SPAG9: variants seen among roughly 807,000 people sequenced by gnomAD.
SPAG9 encodes C-Jun-amino-terminal kinase-interacting protein 4.
A neutral mutation model predicts 166.5 loss-of-function variants in SPAG9; 35 were observed. The ratio of observed to expected loss-of-function variants is 0.21; its 90% confidence interval spans 0.16 to 0.28. The LOEUF (loss-of-function observed/expected upper bound fraction) is 0.28. Ranked by LOEUF, SPAG9 falls within the 10% of genes least tolerant of loss-of-function variation. The pLI is 1.00. For synonymous variants in SPAG9, 534 were observed against 565.5 expected (o/e 0.94, Z 0.79); for missense variants, 1,235 against 1,603.3 (o/e 0.77, Z 3.92).
intron 16 of SPAG9, 32 bp from the exon 17 acceptor site, chr17:50,995,565 C>T (rs1439107587): frequency 7.5e-7 from 1 of 1,327,442 alleles, no homozygotes; most frequent in Non-Finnish European, 1.1e-6. Context: ...GTGAAAAAGG[C>T]ACATTAGTAA....
intron 15 of SPAG9, among the ~76,000 whole-genome samples, chr17:50,998,148 C>T (rs906717067): frequency 6.7e-6 from 1 of 150,350 alleles, no homozygotes; most frequent in Non-Finnish European, 1.5e-5. Flanking sequence ...TCTTCTGCCT[C>T]AGCCTCCCAA....
intron 4 of SPAG9, 118 bp downstream of exon 4, chr17:51,047,257 T>C: frequency 4.8e-6 from 3 of 619,700 alleles, no homozygotes; most frequent in East Asian, 2.9e-5. Flanking sequence ...CCAACCACAG[T>C]GGAGAGCTTT....
intron 28 of SPAG9, among the ~76,000 whole-genome samples, chr17:50,974,057 A>C (rs911219946): frequency 6.6e-6 from 1 of 152,182 alleles, no homozygotes; most frequent in African/African-American, 2.4e-5. Flanking sequence ...TCTAGCTCCT[A>C]AACTTGCCTC....
chr17:50,990,234 T>G, intron 20 of SPAG9: 1 of 548,726 alleles, frequency 1.8e-6, no homozygotes, highest in Non-Finnish European at 3.3e-6. Flanking sequence ...TTCACTGTGT[T>G]AGCCAGGATG....
At chr17:51,002,359 AG>A (rs2044992759) in intron 12 of SPAG9, among the ~76,000 whole-genome samples, 1 of 152,192 alleles carries the variant, frequency 6.6e-6, no homozygotes, top group Admixed American at 6.5e-5. Context: ...CAAAGATAAA[AG>A]GCAGCAATTT....
At chr17:51,007,432 G>T in intron 9 of SPAG9, 106 bp from the exon 10 acceptor site, 1 of 506,980 alleles carries the variant, frequency 2.0e-6, no homozygotes. Context: ...AATTTTATCT[G>T]TCCTTTATTA....
At position 51,002,531 on chromosome 17, in the gene SPAG9, G is replaced by A. The variant is rs568172270; in HGVS notation, c.1477-686C>T. Among the ~76,000 whole-genome samples the A allele has an allele frequency of 2.6e-5, 4 of 152,128 alleles. No individual in the cohort carries two copies. In the South Asian group the frequency reaches 8.3e-4, roughly 32 times the overall value. ...GACGCAGTGACTCACGCCTGTAGTCGCGGCACTTTGGGAGTCTGAGGCGGG... is the reference window on the plus strand; with the variant it reads ...GACGCAGTGACTCACGCCTGTAGTCACGGCACTTTGGGAGTCTGAGGCGGG... On this transcript the variant is annotated intron_variant, in intron 12 of 29. Transcript: ENST00000262013.
rs757461583 is a variant in SPAG9, at chr17:50,990,597, A to G, written c.2470T>C (p.Cys824Arg). 6 of 1,614,094 alleles carry G rather than the reference A, an allele frequency of 3.7e-6. No homozygotes were observed. In the East Asian group the frequency reaches 8.9e-5, roughly 24 times the overall value. Residue 824 changes from cysteine (C) to arginine (R), a missense_variant, in exon 20 of 30, where the codon TGT (cysteine) becomes CGT (arginine). By Grantham distance (180) the Cys-to-Arg change is radical. Around this residue, in one of 6 missense-constraint regions of SPAG9, gnomAD observed 493 missense variants for 559.4 expected, o/e 0.88. Transcript: ENST00000262013. ...ESGQVDKASL[C>R]GSMTSNSSAE... ...GAGCTGTTGCTTGTCATACTTCCACATAAAGATGCTTTGTCTACCTGACCA... is the reference window on the plus strand; with the variant it reads ...GAGCTGTTGCTTGTCATACTTCCACGTAAAGATGCTTTGTCTACCTGACCA...
intron 23 of SPAG9, 134 bp from the exon 24 acceptor site, chr17:50,985,124 G>T: frequency 1.5e-6 from 1 of 684,674 alleles, no homozygotes; most frequent in South Asian, 1.7e-5. Flanking sequence ...GAATATAAAT[G>T]AACACACCAC....
chr17:50,990,393 G>T, intron 20 of SPAG9, 57 bp downstream of exon 20: 2 of 1,211,850 alleles, frequency 1.7e-6, no homozygotes, highest in Non-Finnish European at 1.2e-6. Context: ...CCATAATGAG[G>T]CATCTGAGTG....
rs73986843 is a variant in SPAG9 at position 50,974,682 on chromosome 17, C to T, written c.3700+89G>A. 0.013 allele frequency: 15,311 copies of T among 1,164,630 alleles called. 836 individuals are homozygous for T. In the African/African-American group the frequency reaches 0.16, roughly 12 times the overall value. 72.1% of individuals were successfully genotyped at this position (1,164,630 alleles called of 1,614,324 possible). A position where few individuals can be genotyped will look rare whatever the true frequency, so the allele number is the denominator to read the frequency against. On this transcript the variant is annotated intron_variant, in intron 28 of 29. Transcript: ENST00000262013. ...ATTGAAATTACCTGCAATTCGAGTA[C>T]TTAGCCTTAGACTATTAGGTAGTGG...
At chr17:51,100,441 C>T (rs1017592728) in intron 1 of SPAG9, among the ~76,000 whole-genome samples, 2 of 152,012 alleles carry the variant, frequency 1.3e-5, no homozygotes, top group African/African-American at 2.4e-5. Flanking sequence ...CCTGTCTCTA[C>T]AAAAATTACA....
chr17:51,012,476 A>T (rs146052200), intron 9 of SPAG9, among the ~76,000 whole-genome samples: 31 of 151,934 alleles, frequency 2.0e-4, no homozygotes, highest in Middle Eastern at 6.8e-3. Flanking sequence ...AGGCTGAGGC[A>T]GGAGAATCAC....
At chr17:51,014,854 G>T (rs2045633800) in intron 8 of SPAG9, among the ~76,000 whole-genome samples, 1 of 145,376 alleles carries the variant, frequency 6.9e-6, no homozygotes. Flanking sequence ...TGATACAAAG[G>T]TTTTTTTTTT....
chr17:51,013,027 G>A (rs1008437764), intron 9 of SPAG9, among the ~76,000 whole-genome samples: 3 of 152,014 alleles, frequency 2.0e-5, no homozygotes, highest in Non-Finnish European at 2.9e-5. Context: ...CACTGCAACC[G>A]GCCTAGATAG....
chr17:51,098,536 A>G (rs1218567126), intron 1 of SPAG9, among the ~76,000 whole-genome samples: 1 of 151,902 alleles, frequency 6.6e-6, no homozygotes, highest in African/African-American at 2.4e-5. Flanking sequence ...CTTGTTGCCC[A>G]GGTTGGAGTG....
At chr17:51,054,389 C>G (rs2047299650) in intron 3 of SPAG9, among the ~76,000 whole-genome samples, 1 of 151,170 alleles carries the variant, frequency 6.6e-6, no homozygotes, top group Admixed American at 6.6e-5. Context: ...TCCCAAAGTG[C>G]TAGGATTACA....
chr17:51,120,750 T>A lies in SPAG9; in HGVS notation c.-94A>T. The A allele has an allele frequency of 8.7e-7, 1 of 1,153,296 alleles. No individual in the cohort carries two copies. The highest frequency in any genetic ancestry group is 1.2e-6 in the Non-Finnish European group (1 of 846,258). The allele number at this position is 1,153,296 out of a possible 1,614,324, so 71.4% of individuals were successfully genotyped here. On this transcript the variant is annotated 5_prime_UTR_variant, in exon 1 of 30. Coordinates refer to ENST00000262013, the MANE Select transcript of SPAG9 (RefSeq NM_001130528.3). This position sits in a 1 kb window ranked among gnomAD's most constrained non-coding sequence, Gnocchi z 4.7. ...CGGACCCGACTCGGGCTGGGACGGG[T>A]ACTAGGGCTGGAGCCCGGGCCGGGG...
intron 1 of SPAG9, 127 bp from the exon 2 acceptor site, chr17:51,079,831 G>T: frequency 3.4e-6 from 2 of 583,290 alleles, no homozygotes; most frequent in Non-Finnish European, 2.8e-6. Flanking sequence ...TTATGACCTT[G>T]GGTTGATTTT....
Sources: gnomAD v4.1 joint callset for allele counts (sites outside exome capture counted in the v4.1 genomes callset) on GRCh38, gnomAD v4.1.1 for gene constraint, gnomAD v4.1.1 regional missense constraint, Gnocchi (gnomAD v3.1) non-coding constraint, MANE v1.5 for transcripts, NCBI Gene and HGNC (gene_info 2026-07-23, HGNC 2026-07-21) for gene names.